The following PCDH11X variants were observed in gnomAD, a reference collection of about 807,000 sequenced individuals.
PCDH11X encodes the protein protocadherin-11 X-linked.
A neutral mutation model predicts 53.3 loss-of-function variants in PCDH11X; 18 were observed. The ratio of observed to expected loss-of-function variants is 0.34; its 90% CI spans 0.23 to 0.50. The LOEUF is 0.50. Among genes scored for constraint, PCDH11X ranks in the 20% least tolerant of loss-of-function variants. The pLI is 0.98. For missense variants in PCDH11X, 570 were observed against 1,032.4 expected (o/e 0.55, Z 6.14); for synonymous variants, 279 against 393.3 (o/e 0.71, Z 3.44).
At chrX:92,415,119 T>C (rs759837377) in intron 9 of PCDH11X, among the ~76,000 whole-genome samples, 1 of 111,535 alleles carries the variant, frequency 9.0e-6, no homozygotes, top group South Asian at 3.7e-4. Context: ...TTTCACCTTT[T>C]GTTTTTTTCT....
At chrX:91,843,616 C>A (rs1237209224) in intron 5 of PCDH11X, among the ~76,000 whole-genome samples, 1 of 110,741 alleles carries the variant, frequency 9.0e-6, no homozygotes, top group Non-Finnish European at 1.9e-5. Flanking sequence ...TCACACTTGG[C>A]CATATTTATT....
chrX:92,269,328 A>G (rs941701692), intron 8 of PCDH11X, among the ~76,000 whole-genome samples: 1 of 112,068 alleles, frequency 8.9e-6, no homozygotes, highest in Non-Finnish European at 1.9e-5. Flanking sequence ...TAGAAAAATT[A>G]AAAAATCAAA....
At chrX:91,822,408 T>A in intron 4 of PCDH11X, among the ~76,000 whole-genome samples, 1 of 109,326 alleles carries the variant, frequency 9.1e-6, no homozygotes. Flanking sequence ...CTTGGGAGAG[T>A]GTATGTGTCA....
In PCDH11X at chrX:92,064,487, AAAAT is replaced by A. The variant is rs3084448; in HGVS notation, c.3034-136850_3034-136847del. Among the ~76,000 whole-genome samples the A allele has an allele frequency of 8.1e-4, 73 of 89,891 alleles. 1 individual carries two copies. In the East Asian group the frequency reaches 0.012, roughly 14 times the overall value. 78.1% of individuals were successfully genotyped at this position (89,891 alleles called of 115,157 possible). A position where few individuals can be genotyped will look rare whatever the true frequency, so the allele number is the denominator to read the frequency against. The stretch of plus-strand genomic sequence containing the variant: ...ATTTCTATCAAATCCACACAAATTA[AAAAT>A]AAATAAATAAATAAATAAATAAATA... On this transcript the variant is annotated intron_variant, in intron 6 of 10. Coordinates refer to ENST00000682573, the MANE Select transcript of PCDH11X (RefSeq NM_032968.5).
intron 8 of PCDH11X, among the ~76,000 whole-genome samples, chrX:92,275,876 C>G (rs1385493030): frequency 1.8e-5 from 2 of 109,512 alleles, no homozygotes; most frequent in African/African-American, 6.7e-5. Flanking sequence ...ATGATCAGTC[C>G]CGAAGGAAGG....
At chrX:91,823,978 C>T (rs375896098) in intron 4 of PCDH11X, among the ~76,000 whole-genome samples, 13 of 110,459 alleles carry the variant, frequency 1.2e-4, no homozygotes, top group Middle Eastern at 4.7e-3. Flanking sequence ...AAAATTCTTT[C>T]CTTTAAGAAT....
chrX:92,037,406 T>C (rs1370035051), intron 6 of PCDH11X, among the ~76,000 whole-genome samples: 3 of 111,904 alleles, frequency 2.7e-5, no homozygotes, highest in Non-Finnish European at 5.6e-5. Flanking sequence ...TTTTTACGGC[T>C]GCATAGTATT....
chrX:92,204,827 A>T (rs1230003260), intron 7 of PCDH11X, among the ~76,000 whole-genome samples: 1 of 112,144 alleles, frequency 8.9e-6, no homozygotes, highest in Non-Finnish European at 1.9e-5. Context: ...ATGGCTGGGA[A>T]GGGGGCCTCA....
chrX:91,892,607 C>CT lies in PCDH11X; in HGVS notation c.3033+13344dup, dbSNP rs780046220. ...CAATTTACCAGAATTATTTTGAGGA[C>CT]TTTTTTTTTTGTTAAGACACCGCTG... On this transcript the variant is annotated intron_variant, in intron 6 of 10. Coordinates refer to ENST00000682573, the MANE Select transcript of PCDH11X (RefSeq NM_032968.5). Among the ~76,000 whole-genome samples the CT allele has an allele frequency of 6.3e-3, 676 of 106,480 alleles. 9 individuals carry two copies. The highest frequency in any genetic ancestry group is 0.018 in the African/African-American group (539 of 29,238). The allele number at this position is 106,480 out of a possible 115,157, so 92.5% of individuals were successfully genotyped here. A position where few individuals can be genotyped will look rare whatever the true frequency, so the allele number is the denominator to read the frequency against.
At chrX:92,179,974 C>T (rs1022981177) in intron 6 of PCDH11X, among the ~76,000 whole-genome samples, 5 of 111,301 alleles carry the variant, frequency 4.5e-5, no homozygotes, top group African/African-American at 1.6e-4. Flanking sequence ...TCCTGGACCT[C>T]GCTCTCTCCG....
At chrX:92,196,334 A>C (rs2066291469) in intron 6 of PCDH11X, among the ~76,000 whole-genome samples, 1 of 112,027 alleles carries the variant, frequency 8.9e-6, no homozygotes, top group South Asian at 3.6e-4. Context: ...TATAAGCATT[A>C]ATAAATATGA....
intron 9 of PCDH11X, among the ~76,000 whole-genome samples, chrX:92,448,673 A>G (rs1033211215): frequency 3.8e-5 from 4 of 105,035 alleles, no homozygotes; most frequent in African/African-American, 1.4e-4. Context: ...TAAAATGATA[A>G]CTAAAGAGAC....
intron 6 of PCDH11X, among the ~76,000 whole-genome samples, chrX:92,024,413 A>C (rs2062935020): frequency 9.0e-6 from 1 of 110,843 alleles, no homozygotes; most frequent in African/African-American, 3.3e-5. Context: ...TCCCATTCAC[A>C]ATTGCTATGA....
chrX:92,216,756 T>A (rs1603196646), intron 7 of PCDH11X, among the ~76,000 whole-genome samples: 1 of 90,178 alleles, frequency 1.1e-5, no homozygotes, highest in African/African-American at 4.2e-5. Context: ...ATTGTCAGAT[T>A]CACCAAAGTT....
intron 10 of PCDH11X, among the ~76,000 whole-genome samples, chrX:92,531,976 G>C (rs1320245339): frequency 1.8e-5 from 2 of 110,911 alleles, no homozygotes; most frequent in African/African-American, 6.5e-5. Context: ...CAGGGACAAA[G>C]TGGACACTGG....
intron 9 of PCDH11X, among the ~76,000 whole-genome samples, chrX:92,416,592 A>G (rs1356145512): frequency 1.8e-5 from 2 of 110,579 alleles, no homozygotes; most frequent in Non-Finnish European, 3.8e-5. Flanking sequence ...TTCCCAAATA[A>G]CTAGAGAAGT....
intron 9 of PCDH11X, among the ~76,000 whole-genome samples, chrX:92,467,976 C>A (rs751720244): frequency 9.0e-6 from 1 of 111,326 alleles, no homozygotes; most frequent in East Asian, 2.8e-4. Context: ...CCATCACAGG[C>A]GACGAAGCTA....
At chrX:92,566,879 A>C (rs773415978) in intron 10 of PCDH11X, among the ~76,000 whole-genome samples, 72 of 110,120 alleles carry the variant, frequency 6.5e-4, no homozygotes, top group Non-Finnish European at 1.0e-3. Context: ...ATTTTGTTAA[A>C]CGACTAGAAT....
chrX:92,183,417 T>G (rs1244639936), intron 6 of PCDH11X, among the ~76,000 whole-genome samples: 1 of 110,504 alleles, frequency 9.0e-6, no homozygotes, highest in Non-Finnish European at 1.9e-5. Context: ...CCACCACACC[T>G]GGCTAATTTT....
Sources: allele counts gnomAD v4.1 joint callset (sites outside exome capture counted in the v4.1 genomes callset), GRCh38; gene constraint gnomAD v4.1.1; transcripts MANE v1.5; gene names NCBI Gene and HGNC (gene_info 2026-07-23, HGNC 2026-07-21).